ACER1: variants seen among roughly 807,000 people sequenced by gnomAD.
ACER1 encodes the protein alkaline ceramidase 1.
A neutral mutation model predicts 24.9 loss-of-function variants in ACER1; 28 were observed. The ratio of observed to expected loss-of-function variants is 1.13; its 90% CI spans 0.83 to 1.54. The LOEUF is 1.54. ACER1 is among the 40% of genes most tolerant of loss of function. ACER1 has a pLI of 0.00. For missense variants in ACER1, 352 were observed against 349.3 expected (o/e 1.01, Z -0.06); for synonymous variants, 132 against 131.4 (o/e 1.00, Z -0.03).
intron 1 of ACER1, among the ~76,000 whole-genome samples, chr19:6,315,327 C>T (rs573878344): frequency 1.5e-4 from 23 of 152,108 alleles, no homozygotes; most frequent in African/African-American, 5.1e-4. Context: ...CCTCAGCCCT[C>T]CAAGTAGCTG....
At chr19:6,356,475 AT>A in the ACER1 span, among the ~76,000 whole-genome samples, 3 of 150,024 alleles carry the variant, frequency 2.0e-5, no homozygotes, top group Admixed American at 6.6e-5. Flanking sequence ...CAATAAAAAA[AT>A]AAATAAAATA....
chr19:6,322,655 G>T (rs1431811292), intron 1 of ACER1, among the ~76,000 whole-genome samples: 1 of 152,136 alleles, frequency 6.6e-6, no homozygotes, highest in Non-Finnish European at 1.5e-5. Flanking sequence ...GAAAGCAAAA[G>T]ATTCTTCTTT....
Position 6,306,770 on chromosome 19 carries a change from T to A in ACER1, c.739A>T (p.Ser247Cys), listed in dbSNP as rs1200455075. 1.9e-6 allele frequency: 3 copies of A among 1,613,998 alleles called. No homozygotes were observed. Among genetic ancestry groups the A allele is most frequent in the East Asian group, 2.2e-5 (1 of 44,886 alleles). Residue 247 changes from serine (S) to cysteine (C), a missense_variant, in exon 6 of 6, where the codon AGT (serine) becomes TGT (cysteine). Physicochemically the swap from Ser to Cys is moderately radical, Grantham distance 112. Coordinates refer to ENST00000301452, the MANE Select transcript of ACER1 (RefSeq NM_133492.3). ...TLKVRYWPRD[S>C]WPVGLPYVEI... ...ACGTAGGGCAGCCCCACGGGCCAAC[T>A]GTCCCGAGGCCAGTAGCGGACTTTG...
chr19:6,334,338 G>A (rs1023611693), upstream of ACER1, among the ~76,000 whole-genome samples: 4 of 150,940 alleles, frequency 2.7e-5, no homozygotes, highest in Admixed American at 6.6e-5. Context: ...GTGAGCCACC[G>A]TGCCCGGCCT....
At chr19:6,342,329 T>C in the ACER1 span, among the ~76,000 whole-genome samples, 1 of 150,874 alleles carries the variant, frequency 6.6e-6, no homozygotes. Flanking sequence ...TGGCTTGATC[T>C]TGGCTCACTG....
At chr19:6,347,884 A>G in the ACER1 span, among the ~76,000 whole-genome samples, 1 of 151,256 alleles carries the variant, frequency 6.6e-6, no homozygotes, top group Admixed American at 6.6e-5. Flanking sequence ...CTCCATGACT[A>G]GTGTCCTTAT....
chr19:6,355,744 G>A, the ACER1 span, among the ~76,000 whole-genome samples: 55 of 144,806 alleles, frequency 3.8e-4, 2 homozygotes, highest in Non-Finnish European at 1.8e-4. Context: ...GTCCAGGAGG[G>A]AGGTGGGGGG....
chr19:6,334,742 A>T (rs1171210461), upstream of ACER1, among the ~76,000 whole-genome samples: 1 of 152,120 alleles, frequency 6.6e-6, no homozygotes, highest in African/African-American at 2.4e-5. Flanking sequence ...CGATGGTGAC[A>T]GAGCCAACTG....
intron 1 of ACER1, among the ~76,000 whole-genome samples, chr19:6,316,939 C>A (rs1258503119): frequency 6.6e-6 from 1 of 150,390 alleles, no homozygotes; most frequent in Non-Finnish European, 1.5e-5. Flanking sequence ...GTCACATGAG[C>A]TCAGAAACAA....
chr19:6,307,578 G>A (rs1175642213), intron 4 of ACER1, among the ~76,000 whole-genome samples: 3 of 149,932 alleles, frequency 2.0e-5, no homozygotes, highest in Non-Finnish European at 4.4e-5. Flanking sequence ...GAGCCCTGGA[G>A]TTTAAGACCA....
At chr19:6,311,133 G>A (rs2091577759) in intron 3 of ACER1, among the ~76,000 whole-genome samples, 1 of 150,516 alleles carries the variant, frequency 6.6e-6, no homozygotes, top group Admixed American at 6.6e-5. Context: ...CCTGGGTCCG[G>A]GTGAATTTAA....
chr19:6,339,047 T>C, the ACER1 span, among the ~76,000 whole-genome samples: 1,634 of 151,888 alleles, frequency 0.011, 33 homozygotes, highest in African/African-American at 0.036. Flanking sequence ...GGGCTAATTT[T>C]TACATTTTTA....
At chr19:6,349,174 A>G in the ACER1 span, among the ~76,000 whole-genome samples, 1,134 of 149,238 alleles carry the variant, frequency 7.6e-3, 16 homozygotes, top group African/African-American at 0.025. Context: ...GAAGAAGAAG[A>G]AGGAGGAGGA....
chr19:6,356,090 G>A, the ACER1 span, among the ~76,000 whole-genome samples: 5 of 151,458 alleles, frequency 3.3e-5, no homozygotes, highest in Non-Finnish European at 2.9e-5. Flanking sequence ...TGTAGAAAGA[G>A]GTAGACACGG....
intron 1 of ACER1, among the ~76,000 whole-genome samples, chr19:6,315,354 C>A (rs888099642): frequency 6.6e-6 from 1 of 151,852 alleles, no homozygotes; most frequent in Non-Finnish European, 1.5e-5. Flanking sequence ...CAAGCATGCA[C>A]CACCATGTCC....
chr19:6,341,023 C>T, the ACER1 span, among the ~76,000 whole-genome samples: 6 of 151,988 alleles, frequency 3.9e-5, no homozygotes, highest in East Asian at 9.8e-4. Context: ...TTTCCTGCCC[C>T]GTCCAGTGTC....
chr19:6,346,682 A>G, the ACER1 span, among the ~76,000 whole-genome samples: 2 of 151,644 alleles, frequency 1.3e-5, no homozygotes, highest in African/African-American at 4.8e-5. Context: ...CTTGGCTTCT[A>G]GATGGCTGTC....
intron 1 of ACER1, among the ~76,000 whole-genome samples, chr19:6,331,918 CT>C (rs1368423821): frequency 6.6e-6 from 1 of 151,920 alleles, no homozygotes; most frequent in Admixed American, 6.6e-5. Context: ...CTGCACTGAT[CT>C]TTGGCTTTAA....
intron 1 of ACER1, among the ~76,000 whole-genome samples, chr19:6,324,736 C>T (rs545941629): frequency 1.3e-4 from 19 of 145,242 alleles, no homozygotes; most frequent in African/African-American, 3.6e-4. Context: ...GCAACAAGAG[C>T]GAAACTCCAT....
Sources: gnomAD v4.1 joint callset for allele counts (sites outside exome capture counted in the v4.1 genomes callset) on GRCh38, gnomAD v4.1.1 for gene constraint, MANE v1.5 for transcripts, NCBI Gene and HGNC (gene_info 2026-07-23, HGNC 2026-07-21) for gene names.